EFCAB11: variants seen among roughly 807,000 people sequenced by gnomAD.
EFCAB11 encodes EF-hand calcium-binding domain-containing protein 11.
EFCAB11 carries 14 observed loss-of-function variants against 23.0 expected under a neutral mutation model. The observed-to-expected ratio is 0.61, with a 90% CI of 0.40 to 0.95. EFCAB11 has a LOEUF of 0.95. EFCAB11 is among the 40% of genes least tolerant of loss of function. EFCAB11 has a pLI of 0.00. For synonymous variants in EFCAB11, 65 were observed against 66.6 expected, an observed-to-expected ratio of 0.98 and a Z score of 0.11; for missense variants, 198 against 195.8, an observed-to-expected ratio of 1.01 and a Z score of -0.07.
At chr14:89,919,218 GA>G (rs1346783444) in intron 5 of EFCAB11, among the ~76,000 whole-genome samples, 7 of 151,990 alleles carry the variant, frequency 4.6e-5, no homozygotes, top group African/African-American at 1.7e-4. Context: ...GAGAGAGAGA[GA>G]GAGAGAGAAA....
rs1356667353 is a variant in EFCAB11, at chr14:89,950,043, G to A, written c.217+54C>T. The A allele has an allele frequency of 2.6e-5, 39 of 1,472,666 alleles. No homozygotes were observed. The East Asian group carries it at 9.7e-4, about 37-fold the overall frequency. The allele number at this position is 1,472,666 out of a possible 1,614,324, so 91.2% of individuals were successfully genotyped here. A position where few individuals can be genotyped will look rare whatever the true frequency, so the allele number is the denominator to read the frequency against. On this transcript the variant is annotated intron_variant, in intron 3 of 5. Coordinates refer to ENST00000316738, the MANE Select transcript of EFCAB11 (RefSeq NM_145231.4). ...GAGACTGATGTAGGGACACAGCCAA[G>A]CCATCTCAGTGTCTAAATAAGGTAC...
chr14:89,927,911 T>C (rs761721178), intron 5 of EFCAB11, among the ~76,000 whole-genome samples: 1 of 152,084 alleles, frequency 6.6e-6, no homozygotes, highest in Non-Finnish European at 1.5e-5. Flanking sequence ...TTAGTATAGA[T>C]GGAGTTTCGC....
chr14:89,831,851 C>T (rs1359832238), intron 5 of EFCAB11, among the ~76,000 whole-genome samples: 1 of 152,236 alleles, frequency 6.6e-6, no homozygotes, highest in Non-Finnish European at 1.5e-5. Flanking sequence ...GCACATTTTG[C>T]CGAGGTTGTT....
chr14:89,837,038 G>C (rs114827258), intron 5 of EFCAB11: 45 of 456,338 alleles, frequency 9.9e-5, no homozygotes, highest in South Asian at 3.7e-4. Context: ...CTGCACAGGT[G>C]AGGGGTGTGC....
At chr14:89,907,210 C>T (rs1889525479) in intron 5 of EFCAB11, among the ~76,000 whole-genome samples, 1 of 152,174 alleles carries the variant, frequency 6.6e-6, no homozygotes, top group Non-Finnish European at 1.5e-5. Flanking sequence ...TACAGAGAAA[C>T]TCAAGCCTGT....
chr14:89,928,683 T>C (rs1890272598), intron 5 of EFCAB11, among the ~76,000 whole-genome samples: 2 of 114,188 alleles, frequency 1.8e-5, no homozygotes, highest in South Asian at 4.3e-4. Context: ...TATGTATGTT[T>C]ATATATGTTA....
intron 5 of EFCAB11, among the ~76,000 whole-genome samples, chr14:89,890,695 A>C (rs1888937287): frequency 6.6e-6 from 1 of 152,234 alleles, no homozygotes; most frequent in African/African-American, 2.4e-5. Context: ...TGCCAGGCCA[A>C]ATTCTTGAGG....
At chr14:89,942,657 C>T (rs946811562) in intron 3 of EFCAB11, among the ~76,000 whole-genome samples, 2 of 152,050 alleles carry the variant, frequency 1.3e-5, no homozygotes, top group African/African-American at 4.8e-5. Context: ...ATTTTTTTCT[C>T]CCACTCATAT....
chr14:89,811,701 T>C (rs1596377102), intron 5 of EFCAB11, among the ~76,000 whole-genome samples: 2 of 152,144 alleles, frequency 1.3e-5, no homozygotes, highest in African/African-American at 4.8e-5. Flanking sequence ...ACAGTAGACA[T>C]GGCTTCTCCC....
chr14:89,944,464 A>G (rs982908431), intron 3 of EFCAB11, among the ~76,000 whole-genome samples: 6 of 152,194 alleles, frequency 3.9e-5, no homozygotes, highest in African/African-American at 1.4e-4. Flanking sequence ...GAGAAACACG[A>G]TATTATGACT....
chr14:89,896,767 T>C (rs1466097815), intron 5 of EFCAB11, among the ~76,000 whole-genome samples: 1 of 152,210 alleles, frequency 6.6e-6, no homozygotes, highest in Non-Finnish European at 1.5e-5. Flanking sequence ...CATAGCTCAC[T>C]GAAGCCTCAA....
intron 5 of EFCAB11, among the ~76,000 whole-genome samples, chr14:89,826,061 A>C (rs1281484626): frequency 2.0e-5 from 3 of 152,108 alleles, no homozygotes; most frequent in Non-Finnish European, 4.4e-5. Context: ...GGAGACAAAC[A>C]AATAAGATCT....
intron 3 of EFCAB11, among the ~76,000 whole-genome samples, chr14:89,949,888 C>T (rs1022279470): frequency 5.9e-5 from 9 of 152,054 alleles, no homozygotes; most frequent in East Asian, 1.9e-4. Flanking sequence ...TGCAGGGAAG[C>T]CCCCCCTTAT....
intron 4 of EFCAB11, 66 bp downstream of exon 4, chr14:89,932,460 T>C (rs1227079966): frequency 8.2e-7 from 1 of 1,213,802 alleles, no homozygotes; most frequent in Non-Finnish European, 1.2e-6. Flanking sequence ...TTACTGGGTA[T>C]ATAATCCTAT....
At chr14:89,834,178 C>A (rs1886980242) in intron 5 of EFCAB11, among the ~76,000 whole-genome samples, 3 of 151,814 alleles carry the variant, frequency 2.0e-5, no homozygotes, top group Admixed American at 2.0e-4. Context: ...AGATAGAAAC[C>A]ATCCTGGCCG....
At chr14:89,878,953 T>C (rs1888523150) in intron 5 of EFCAB11, among the ~76,000 whole-genome samples, 1 of 152,170 alleles carries the variant, frequency 6.6e-6, no homozygotes, top group Non-Finnish European at 1.5e-5. Flanking sequence ...TTCATTATCT[T>C]AAAACAATGT....
intron 5 of EFCAB11, among the ~76,000 whole-genome samples, chr14:89,929,715 T>G (rs1304346389): frequency 6.6e-6 from 1 of 152,150 alleles, no homozygotes; most frequent in African/African-American, 2.4e-5. Flanking sequence ...ATACCAAACA[T>G]GCAGATATGA....
chr14:89,898,066 A>T (rs1275849117), intron 5 of EFCAB11, among the ~76,000 whole-genome samples: 1 of 152,186 alleles, frequency 6.6e-6, no homozygotes, highest in African/African-American at 2.4e-5. Flanking sequence ...AATGCACACC[A>T]ACTTTATAAA....
rs189133348 is a variant in EFCAB11 at position 89,922,258 on chromosome 14, C to T, written c.410+9283G>A. Among the ~76,000 whole-genome samples the T allele has an allele frequency of 2.1e-3, 319 of 152,298 alleles. 2 individuals are homozygous for T. The highest frequency in any genetic ancestry group is 3.9e-3 in the Admixed American group (59 of 15,294). On this transcript the variant is annotated intron_variant, in intron 5 of 5. Coordinates refer to ENST00000316738, the MANE Select transcript of EFCAB11 (RefSeq NM_145231.4). ...ACCCAGGGTTGGGTAGCTGTCAAAC[C>T]CAGTAATTTCCTCTTGAGAACAGTC...
Sources: gnomAD v4.1 joint callset for allele counts (sites outside exome capture counted in the v4.1 genomes callset) on GRCh38, gnomAD v4.1.1 for gene constraint, MANE v1.5 for transcripts, NCBI Gene and HGNC (gene_info 2026-07-23, HGNC 2026-07-21) for gene names.